The following WWOX variants were observed in gnomAD, a reference collection of about 807,000 sequenced individuals.
WWOX encodes the protein WW domain-containing oxidoreductase.
Under a neutral mutation model 46.2 loss-of-function variants are expected in WWOX, and 69 were observed. The observed-to-expected ratio is 1.49, with a 90% CI of 1.23 to 1.82. The LOEUF (loss-of-function observed/expected upper bound fraction) is 1.82, where lower values mean the gene tolerates loss of function less well. WWOX is among the 40% of genes most tolerant of loss of function. WWOX has a pLI of 0.00. For missense variants in WWOX, 919 were observed against 542.6 expected (o/e 1.69, Z -6.89); for synonymous variants, 359 against 202.6 (o/e 1.77, Z -6.56).
rs544248568 is a variant in WWOX at position 78,292,783 on chromosome 16, C to T, written c.517-94077C>T. ...GCTTCGTAGAAGAGCCAAATAGATT[C>T]ACACAGATCTTATTTGTAGAGCTGA... On this transcript the variant is annotated intron_variant, in intron 5 of 8. Transcript: ENST00000566780. 2.0e-5 allele frequency among the ~76,000 whole-genome samples: 3 copies of T among 152,296 alleles called. No individual in the cohort carries two copies. In the South Asian group the frequency reaches 6.2e-4, roughly 32 times the overall value.
At chr16:78,118,331 A>G (rs1490741920) in intron 4 of WWOX, among the ~76,000 whole-genome samples, 7 of 152,128 alleles carry the variant, frequency 4.6e-5, no homozygotes. Context: ...CTGACAGATA[A>G]AAGGATTTGG....
chr16:78,472,491 G>A (rs919875868), intron 8 of WWOX, among the ~76,000 whole-genome samples: 3 of 152,198 alleles, frequency 2.0e-5, no homozygotes, highest in South Asian at 4.2e-4. Context: ...TTTGAAATAT[G>A]TGCCCTGAAG....
rs552278468 is a variant in WWOX at position 78,239,949 on chromosome 16, G to A, written c.516+75660G>A. ...GTCCATGGTGACGATGCCATGCTCCGGTTCTAAGCCAGTTGGACAGACACA... is the reference window on the plus strand; with the variant it reads ...GTCCATGGTGACGATGCCATGCTCCAGTTCTAAGCCAGTTGGACAGACACA... On this transcript the variant is annotated intron_variant, in intron 5 of 8. Transcript: ENST00000566780. Among the ~76,000 whole-genome samples, 67 of 152,058 alleles carry A rather than the reference G, an allele frequency of 4.4e-4. 1 individual carries two copies. The highest frequency in any genetic ancestry group is 1.9e-3 in the Admixed American group (29 of 15,256).
chr16:78,364,123 G>C (rs898603214), intron 5 of WWOX, among the ~76,000 whole-genome samples: 17 of 152,108 alleles, frequency 1.1e-4, no homozygotes, highest in Admixed American at 1.0e-3. Context: ...TGTGGATGTC[G>C]CTCTCTATCC....
chr16:79,168,075 G>T (rs1241981916), intron 8 of WWOX, among the ~76,000 whole-genome samples: 2 of 152,024 alleles, frequency 1.3e-5, no homozygotes, highest in Admixed American at 1.3e-4. Context: ...TCTTTTTTAT[G>T]GCTGCATAGT....
chr16:78,190,600 C>T (rs79755783), intron 5 of WWOX, among the ~76,000 whole-genome samples: 17,722 of 152,122 alleles, frequency 0.12, 1,357 homozygotes, highest in South Asian at 0.28. Context: ...GTGAGTTGGG[C>T]CCCAGGTAGA....
At chr16:78,397,722 T>G (rs1567548430) in intron 6 of WWOX, among the ~76,000 whole-genome samples, 2 of 152,230 alleles carry the variant, frequency 1.3e-5, no homozygotes, top group Admixed American at 1.3e-4. Flanking sequence ...AGGAGATGCT[T>G]CTTTCAGCCA....
At chr16:78,221,439 C>T (rs975798122) in intron 5 of WWOX, among the ~76,000 whole-genome samples, 8 of 152,112 alleles carry the variant, frequency 5.3e-5, no homozygotes, top group Admixed American at 3.9e-4. Flanking sequence ...TAATTGTGTA[C>T]TTTGAAGAAA....
At chr16:78,750,718 T>A (rs2049456549) in intron 8 of WWOX, among the ~76,000 whole-genome samples, 1 of 152,164 alleles carries the variant, frequency 6.6e-6, no homozygotes, top group African/African-American at 2.4e-5. Flanking sequence ...GTGTTGAGCT[T>A]CGACTTGTAA....
chr16:78,977,652 C>G (rs1036094008), intron 8 of WWOX, among the ~76,000 whole-genome samples: 5 of 152,026 alleles, frequency 3.3e-5, no homozygotes, highest in African/African-American at 9.7e-5. Flanking sequence ...AGCTCAGCCT[C>G]GAAAGAAGTG....
At chr16:78,937,333 G>C (rs942588133) in intron 8 of WWOX, among the ~76,000 whole-genome samples, 2 of 151,738 alleles carry the variant, frequency 1.3e-5, no homozygotes, top group African/African-American at 4.8e-5. Context: ...TTTGATACAG[G>C]TGTCAGATTA....
rs570928833 is a variant in WWOX at position 79,087,080 on chromosome 16, C to T, written c.1057-124528C>T. On this transcript the variant is annotated intron_variant, in intron 8 of 8. Coordinates refer to ENST00000566780, the MANE Select transcript of WWOX (RefSeq NM_016373.4). ...GATGACCCCAAGACCCTCTACCAGGCACTGATGGAGTAAGGATGGAGATGG... is the reference window on the plus strand; with the variant it reads ...GATGACCCCAAGACCCTCTACCAGGTACTGATGGAGTAAGGATGGAGATGG... Among the ~76,000 whole-genome samples, 150 of 152,260 alleles carry T rather than the reference C, an allele frequency of 9.9e-4. 1 individual carries two copies. The highest frequency in any genetic ancestry group is 3.5e-3 in the African/African-American group (144 of 41,562).
chr16:78,692,421 A>G lies in WWOX; in HGVS notation c.1056+259669A>G, dbSNP rs145723724. Among the ~76,000 whole-genome samples the G allele has an allele frequency of 1.8e-3, 280 of 152,212 alleles. 1 individual carries two copies. Among genetic ancestry groups the G allele is most frequent in the African/African-American group, 6.4e-3 (265 of 41,538 alleles). On this transcript the variant is annotated intron_variant, in intron 8 of 8. Transcript: ENST00000566780. The stretch of plus-strand genomic sequence containing the variant: ...CCTTTAAGGAGATTTGTTTCCATCA[A>G]TCCCTCCCATTTACAAGGAATTACA...
chr16:78,560,378 C>T (rs1053513622), intron 8 of WWOX, among the ~76,000 whole-genome samples: 1 of 152,294 alleles, frequency 6.6e-6, no homozygotes, highest in Admixed American at 6.5e-5. Flanking sequence ...TGCGGTGGCT[C>T]ACGCCTGTAA....
chr16:78,826,645 G>C (rs7204559), intron 8 of WWOX, among the ~76,000 whole-genome samples: 26,949 of 152,104 alleles, frequency 0.18, 2,452 homozygotes, highest in Admixed American at 0.23. Context: ...CTGATCTCAT[G>C]TCAAGATCCG....
At chr16:78,147,701 A>ATTTTTTTTT (rs1567598469) in intron 4 of WWOX, among the ~76,000 whole-genome samples, 13 of 95,162 alleles carry the variant, frequency 1.4e-4, no homozygotes, top group African/African-American at 4.8e-4. Context: ...TTTTTTAAAA[A>ATTTTTTTTT]AAAAAAAGGT....
chr16:78,806,142 A>T (rs375594524), intron 8 of WWOX, among the ~76,000 whole-genome samples: 9 of 152,168 alleles, frequency 5.9e-5, no homozygotes, highest in African/African-American at 1.4e-4. Context: ...TTTTCTTTCA[A>T]ATGTTTCACT....
intron 8 of WWOX, among the ~76,000 whole-genome samples, chr16:79,175,213 G>A (rs533227839): frequency 6.6e-6 from 1 of 152,296 alleles, no homozygotes; most frequent in Non-Finnish European, 1.5e-5. Flanking sequence ...TGAATTGAAC[G>A]AAGGCATTTG....
chr16:78,349,894 A>G lies in WWOX; in HGVS notation c.517-36966A>G, dbSNP rs1275003475. Among the ~76,000 whole-genome samples the G allele has an allele frequency of 1.4e-4, 17 of 120,936 alleles. 3 individuals are homozygous for G. The highest frequency in any genetic ancestry group is 4.2e-4 in the African/African-American group (15 of 35,720). The allele number at this position is 120,936 out of a possible 152,430, so 79.3% of individuals were successfully genotyped here. ...TTTTGACTCAGTCTCATTCCCCAGA[A>G]ATAATCCCTGTTAACATTTCGGTTT... On this transcript the variant is annotated intron_variant, in intron 5 of 8. Coordinates refer to ENST00000566780, the MANE Select transcript of WWOX (RefSeq NM_016373.4).
Sources: gnomAD v4.1 joint callset for allele counts (sites outside exome capture counted in the v4.1 genomes callset) on GRCh38, gnomAD v4.1.1 for gene constraint, MANE v1.5 for transcripts, NCBI Gene and HGNC (gene_info 2026-07-23, HGNC 2026-07-21) for gene names.